Variants in VGLL3 observed in about 807,000 individuals in gnomAD.
VGLL3 encodes the protein transcription cofactor vestigial-like protein 3.
In VGLL3, 18 loss-of-function variants were observed where a neutral mutation model predicts 29.2. That is an observed-to-expected ratio of 0.62 (90% CI 0.43 to 0.91). The LOEUF is 0.91. Among genes scored for constraint, VGLL3 ranks in the 40% least tolerant of loss-of-function variants. VGLL3 has a pLI of 0.00. For missense variants in VGLL3, 440 were observed against 413.2 expected (o/e 1.06, Z -0.56); for synonymous variants, 180 against 151.8 (o/e 1.19, Z -1.36).
chr3:86,988,458 G>A (rs184856593), intron 1 of VGLL3, among the ~76,000 whole-genome samples: 109 of 151,334 alleles, frequency 7.2e-4, no homozygotes, highest in African/African-American at 2.5e-3. Context: ...CTTCACCCAC[G>A]CATTGCATAG....
chr3:86,990,891 G>A lies in VGLL3; in HGVS notation c.-148C>T. 2 of 1,130,648 alleles carry A rather than the reference G, an allele frequency of 1.8e-6. No homozygotes were observed. The highest frequency in any genetic ancestry group is 1.1e-6 in the Non-Finnish European group (1 of 917,078). The allele number at this position is 1,130,648 out of a possible 1,614,324, so 70.0% of individuals were successfully genotyped here. ...GAAGGCGGGTCCTCGGCGGCCTCGG[G>A]CTCCGCGCGGGGCGCGGGGTCGGGA... On this transcript the variant is annotated 5_prime_UTR_variant, in exon 1 of 4. Coordinates refer to ENST00000398399, the MANE Select transcript of VGLL3 (RefSeq NM_016206.4).
rs1421302751 is a variant in VGLL3 at position 86,939,588 on chromosome 3, G to T, written c.*7436C>A. 6.5e-6 allele frequency: 1 copy of T among 152,792 alleles called. No individual in the cohort carries two copies. The highest frequency in any genetic ancestry group is 2.4e-5 in the African/African-American group (1 of 41,418). 9.5% of individuals were successfully genotyped at this position (152,792 alleles called of 1,614,324 possible). ...TGGAGTGAGCCGAGATCGCGCCACTGCACTCCAGCCTGACGACAGAGCAAG... is the reference window on the plus strand; with the variant it reads ...TGGAGTGAGCCGAGATCGCGCCACTTCACTCCAGCCTGACGACAGAGCAAG... On this transcript the variant is annotated 3_prime_UTR_variant, in exon 4 of 4. Coordinates refer to ENST00000398399, the MANE Select transcript of VGLL3 (RefSeq NM_016206.4).
intron 2 of VGLL3, among the ~76,000 whole-genome samples, chr3:86,971,948 T>C (rs997163645): frequency 6.6e-6 from 1 of 152,180 alleles, no homozygotes; most frequent in Non-Finnish European, 1.5e-5. Flanking sequence ...AATCCTATTA[T>C]GAAAACCGTT....
chr3:86,966,771 G>GTATA (rs1412231839), intron 3 of VGLL3, among the ~76,000 whole-genome samples: 31 of 69,508 alleles, frequency 4.5e-4, no homozygotes, highest in South Asian at 1.3e-3. Context: ...TAGTGTGTGT[G>GTATA]TGTATATATA....
At chr3:86,954,151 T>C (rs1704669715) in intron 3 of VGLL3, among the ~76,000 whole-genome samples, 1 of 152,170 alleles carries the variant, frequency 6.6e-6, no homozygotes, top group African/African-American at 2.4e-5. Context: ...AACAATGAGG[T>C]TAAAAACTGT....
In VGLL3 at chr3:86,945,747, T is replaced by C. The variant is rs1376706878; in HGVS notation, c.*1277A>G. ...TAAATTTAAATCCTAATATACACTT[T>C]ATTTTGCCCTAAATTTCTTTCTAAA... On this transcript the variant is annotated 3_prime_UTR_variant, in exon 4 of 4. Coordinates refer to ENST00000398399, the MANE Select transcript of VGLL3 (RefSeq NM_016206.4). The C allele has an allele frequency of 2.0e-5, 3 of 152,174 alleles. No individual in the cohort carries two copies. The highest frequency in any genetic ancestry group is 7.2e-5 in the African/African-American group (3 of 41,462). 9.4% of individuals were successfully genotyped at this position (152,174 alleles called of 1,614,324 possible).
chr3:86,990,808 C>T lies in VGLL3; in HGVS notation c.-65G>A. On this transcript the variant is annotated 5_prime_UTR_variant, in exon 1 of 4. Coordinates refer to ENST00000398399, the MANE Select transcript of VGLL3 (RefSeq NM_016206.4). ...GCTCTACGCGCTGGCGCGAGGGGCGCGGGCGCCGCCGCCGCCGCAGCTGCC... is the reference window on the plus strand; with the variant it reads ...GCTCTACGCGCTGGCGCGAGGGGCGTGGGCGCCGCCGCCGCCGCAGCTGCC... The T allele has an allele frequency of 1.6e-6, 2 of 1,216,196 alleles. No homozygotes were observed. The highest frequency in any genetic ancestry group is 2.1e-6 in the Non-Finnish European group (2 of 971,544). The allele number at this position is 1,216,196 out of a possible 1,614,324, so 75.3% of individuals were successfully genotyped here. A position where few individuals can be genotyped will look rare whatever the true frequency, so the allele number is the denominator to read the frequency against.
chr3:86,942,193 T>C lies in VGLL3; in HGVS notation c.*4831A>G, dbSNP rs1704413743. 6.6e-6 allele frequency: 1 copy of C among 152,162 alleles called. No individual in the cohort carries two copies. The highest frequency in any genetic ancestry group is 1.5e-5 in the Non-Finnish European group (1 of 68,018). The allele number at this position is 152,162 out of a possible 1,614,324, so 9.4% of individuals were successfully genotyped here. ...ACAGGAAAGAAAAAAAATGAGTTTC[T>C]AGGAGCCTCTCCATTAAACTGGCAG... On this transcript the variant is annotated 3_prime_UTR_variant, in exon 4 of 4. Transcript: ENST00000398399.
At chr3:86,966,783 A>G (rs1402808209) in intron 3 of VGLL3, among the ~76,000 whole-genome samples, 682 of 62,134 alleles carry the variant, frequency 0.011, 21 homozygotes, top group African/African-American at 0.038. Context: ...GTATATATAT[A>G]TATATATATA....
intron 3 of VGLL3, among the ~76,000 whole-genome samples, chr3:86,954,200 T>C (rs551011073): frequency 6.6e-6 from 1 of 152,292 alleles, no homozygotes; most frequent in African/African-American, 2.4e-5. Context: ...AGATTCAAAA[T>C]AGGGCAGAAA....
chr3:86,988,476 A>G (rs945241242), intron 1 of VGLL3, among the ~76,000 whole-genome samples: 2 of 151,688 alleles, frequency 1.3e-5, no homozygotes, highest in African/African-American at 2.4e-5. Context: ...TAGTCTAAAA[A>G]TGCTGTCAGC....
rs1011411865 is a variant in VGLL3 at position 86,946,927 on chromosome 3, T to A, written c.*97A>T. On this transcript the variant is annotated 3_prime_UTR_variant, in exon 4 of 4. Transcript: ENST00000398399. The stretch of plus-strand genomic sequence containing the variant: ...ACACTTTGTCTTCTCCTTCTATGCC[T>A]TTCGTGTCCTATTGCTGAATGGAAA... 1.3e-6 allele frequency: 1 copy of A among 748,184 alleles called. No homozygotes were observed. Among genetic ancestry groups the A allele is most frequent in the Admixed American group, 1.8e-5 (1 of 54,920 alleles). 46.3% of individuals were successfully genotyped at this position (748,184 alleles called of 1,614,324 possible).
intron 3 of VGLL3, 30 bp downstream of exon 3, chr3:86,968,560 T>G (rs139908339): frequency 1.3e-6 from 2 of 1,580,430 alleles, no homozygotes; most frequent in Non-Finnish European, 1.7e-6. Context: ...CTTTATCTTG[T>G]TATAGGAAGA....
At chr3:86,960,932 G>GGTATAT (rs1457503323) in intron 3 of VGLL3, among the ~76,000 whole-genome samples, 136 of 137,942 alleles carry the variant, frequency 9.9e-4, no homozygotes, top group African/African-American at 3.5e-3. Flanking sequence ...AAGTAATTGT[G>GGTATAT]ATATATATAT....
At chr3:86,959,790 G>T (rs576171866) in intron 3 of VGLL3, among the ~76,000 whole-genome samples, 1 of 152,210 alleles carries the variant, frequency 6.6e-6, no homozygotes, top group South Asian at 2.1e-4. Flanking sequence ...CTTTTAAAGT[G>T]TGTTATTTAG....
chr3:86,969,045 G>A lies in VGLL3; in HGVS notation c.482C>T (p.Pro161Leu). 6.2e-7 allele frequency: 1 copy of A among 1,614,138 alleles called. No individual in the cohort carries two copies. Among genetic ancestry groups the A allele is most frequent in the South Asian group, 1.1e-5 (1 of 91,080 alleles). The change falls in exon 3 of 4, where the codon CCT becomes CTT. Residue 161 changes from proline (P) to leucine (L), a missense_variant. Coordinates refer to ENST00000398399, the MANE Select transcript of VGLL3 (RefSeq NM_016206.4). ...WTSSYQPPPA[P>L]CLGGVHPDFQ... ...GTCAGGATGAACTCCCCCCAAACAA[G>A]GTGCAGGTGGGGGCTGGTAAGAGCT...
At position 86,946,234 on chromosome 3, in the gene VGLL3, C is replaced by A. The variant is rs1704503550; in HGVS notation, c.*790G>T. 6.6e-6 allele frequency: 1 copy of A among 151,850 alleles called. No individual in the cohort carries two copies. The highest frequency in any genetic ancestry group is 2.1e-4 in the South Asian group (1 of 4,828). The allele number at this position is 151,850 out of a possible 1,614,324, so 9.4% of individuals were successfully genotyped here. ...CTTATTAGTCAACCTCCAAGTTATT[C>A]TTTGGGAGAAATCAAAGCAATAAAA... On this transcript the variant is annotated 3_prime_UTR_variant, in exon 4 of 4. Coordinates refer to ENST00000398399, the MANE Select transcript of VGLL3 (RefSeq NM_016206.4).
intron 3 of VGLL3, among the ~76,000 whole-genome samples, chr3:86,957,093 T>C (rs1704741473): frequency 6.6e-6 from 1 of 152,168 alleles, no homozygotes; most frequent in African/African-American, 2.4e-5. Context: ...TAGGTTTTTA[T>C]TTTTAGTACC....
Position 86,957,596 on chromosome 3 carries a change from T to C in VGLL3, c.938-10529A>G, listed in dbSNP as rs1348247300. ...AGGAGGAGCTGAGGGGTTACAGGCT[T>C]ACTCAACGTAATGCAGCTAATAAGT... On this transcript the variant is annotated intron_variant, in intron 3 of 3. Transcript: ENST00000398399. Among the ~76,000 whole-genome samples, 8 of 152,280 alleles carry C rather than the reference T, an allele frequency of 5.3e-5. No individual in the cohort carries two copies. In the South Asian group the frequency reaches 1.7e-3, roughly 32 times the overall value.
Sources: gnomAD v4.1 joint callset for allele counts (sites outside exome capture counted in the v4.1 genomes callset) on GRCh38, gnomAD v4.1.1 for gene constraint, MANE v1.5 for transcripts, NCBI Gene and HGNC (gene_info 2026-07-23, HGNC 2026-07-21) for gene names.